The following POT1 variants were observed in gnomAD, a reference collection of about 807,000 sequenced individuals.
The protein encoded by POT1 is protection of telomeres protein 1.
A neutral mutation model predicts 78.5 loss-of-function variants in POT1; 47 were observed. That is an observed-to-expected ratio of 0.60 (90% confidence interval 0.47 to 0.76). The LOEUF is 0.76. POT1 is among the 30% of genes least tolerant of loss of function. The pLI is 0.00. For synonymous variants in POT1, 259 were observed against 260.7 expected, an observed-to-expected ratio of 0.99 and a Z score of 0.06; for missense variants, 646 against 749.9, an observed-to-expected ratio of 0.86 and a Z score of 1.62.
intron 14 of POT1, among the ~76,000 whole-genome samples, chr7:124,839,390 T>C (rs1415888421): frequency 6.6e-6 from 1 of 152,228 alleles, no homozygotes; most frequent in East Asian, 1.9e-4. Flanking sequence ...ATGTAAACTA[T>C]GGTCACAATA....
chr7:124,894,392 G>T (rs12539481), intron 5 of POT1, among the ~76,000 whole-genome samples: 48,349 of 151,240 alleles, frequency 0.32, 7,748 homozygotes, highest in South Asian at 0.4. Flanking sequence ...ATGGAGAGAT[G>T]AATGGGAAAG....
rs186423157 is a variant in POT1 at position 124,832,196 on chromosome 7, C to T, written c.1506-2854G>A. On this transcript the variant is annotated intron_variant, in intron 15 of 18. Transcript: ENST00000357628. ...ATTGCTTGAGCCCAGGATGTCAAGG[C>T]TACAATGAGCTGAAATCATGCCACT... Among the ~76,000 whole-genome samples, 244 of 129,734 alleles carry T rather than the reference C, an allele frequency of 1.9e-3. 2 individuals carry two copies. Among genetic ancestry groups the T allele is most frequent in the South Asian group, 0.015 (62 of 4,068 alleles). The allele number at this position is 129,734 out of a possible 152,430, so 85.1% of individuals were successfully genotyped here.
chr7:124,891,916 A>G lies in POT1; in HGVS notation c.124+350T>C, dbSNP rs377691449. On this transcript the variant is annotated intron_variant, in intron 6 of 18. Coordinates refer to ENST00000357628, the MANE Select transcript of POT1 (RefSeq NM_015450.3). ...TTTATATATTTGCCTTTCAACTTCT[A>G]TAACAGAATTAAACGTGATTTATGC... 2.6e-5 allele frequency among the ~76,000 whole-genome samples: 4 copies of G among 151,766 alleles called. No homozygotes were observed. The East Asian group carries it at 5.8e-4, about 22-fold the overall frequency.
chr7:124,842,714 A>C (rs1795057186), intron 13 of POT1, 93 bp downstream of exon 13: 2 of 1,029,502 alleles, frequency 1.9e-6, no homozygotes, highest in Non-Finnish European at 2.7e-6. Context: ...TATATTAACA[A>C]TTTACTTATT....
intron 6 of POT1, among the ~76,000 whole-genome samples, chr7:124,878,131 G>A (rs1374723005): frequency 6.6e-6 from 1 of 152,024 alleles, no homozygotes; most frequent in Non-Finnish European, 1.5e-5. Context: ...AGGAGTTTGA[G>A]ACTAGCCTGG....
At chr7:124,905,603 A>C (rs1307163889) in intron 3 of POT1, among the ~76,000 whole-genome samples, 2 of 152,268 alleles carry the variant, frequency 1.3e-5, no homozygotes, top group African/African-American at 4.8e-5. Context: ...AAAACACCAA[A>C]AGCAATGGCA....
intron 2 of POT1, among the ~76,000 whole-genome samples, chr7:124,927,995 C>T (rs1467845721): frequency 6.6e-6 from 1 of 152,094 alleles, no homozygotes. Flanking sequence ...AATTGCTTAA[C>T]CTTTCTGAAA....
At chr7:124,925,533 T>G (rs748843272) in intron 2 of POT1, among the ~76,000 whole-genome samples, 8 of 151,810 alleles carry the variant, frequency 5.3e-5, no homozygotes, top group Non-Finnish European at 1.2e-4. Context: ...TGAACATACT[T>G]CCCAAAGCTA....
chr7:124,908,025 A>G (rs931604527), intron 3 of POT1, among the ~76,000 whole-genome samples: 1 of 152,036 alleles, frequency 6.6e-6, no homozygotes, highest in South Asian at 2.1e-4. Flanking sequence ...TTTTTAACAA[A>G]TAATACCTCA....
chr7:124,865,186 T>C (rs1020454112), intron 7 of POT1, among the ~76,000 whole-genome samples: 3 of 152,264 alleles, frequency 2.0e-5, no homozygotes, highest in East Asian at 3.9e-4. Context: ...ACTGGTATCA[T>C]TGTTCTCCAA....
intron 2 of POT1, among the ~76,000 whole-genome samples, chr7:124,927,162 A>C (rs1797295140): frequency 6.6e-6 from 1 of 152,152 alleles, no homozygotes; most frequent in Admixed American, 6.6e-5. Context: ...TCATTTTTTC[A>C]CCTGACATTC....
intron 9 of POT1, among the ~76,000 whole-genome samples, chr7:124,854,325 A>G (rs1795389881): frequency 6.6e-6 from 1 of 151,904 alleles, no homozygotes; most frequent in Admixed American, 6.6e-5. Context: ...ATTTTTGTAC[A>G]CTGAATAATT....
chr7:124,906,054 T>C (rs1796757990), intron 3 of POT1, among the ~76,000 whole-genome samples: 2 of 152,144 alleles, frequency 1.3e-5, no homozygotes, highest in African/African-American at 4.8e-5. Context: ...TGTAAACTAG[T>C]TCAACCATTG....
At chr7:124,866,141 A>G (rs2116550919) in intron 7 of POT1, among the ~76,000 whole-genome samples, 1 of 152,214 alleles carries the variant, frequency 6.6e-6, no homozygotes, top group Admixed American at 6.5e-5. Flanking sequence ...TTAGGGTGAT[A>G]CGTGGAAAGC....
chr7:124,928,591 T>C (rs1425397593), intron 2 of POT1, among the ~76,000 whole-genome samples: 1 of 152,232 alleles, frequency 6.6e-6, no homozygotes, highest in Non-Finnish European at 1.5e-5. Context: ...ACTATATTTA[T>C]TCATCTTTGT....
intron 2 of POT1, among the ~76,000 whole-genome samples, chr7:124,927,737 C>A (rs904160262): frequency 4.6e-5 from 7 of 152,200 alleles, no homozygotes; most frequent in African/African-American, 1.7e-4. Context: ...ATTTATATAC[C>A]TCTAAAGACC....
intron 1 of POT1, 75 bp downstream of exon 1, chr7:124,929,719 A>G (rs1323885145): frequency 1.3e-5 from 2 of 152,238 alleles, no homozygotes; most frequent in Non-Finnish European, 2.9e-5. Flanking sequence ...TTTGATCTAA[A>G]CTAATTCAAT....
In POT1 at chr7:124,878,017, C is replaced by T. The variant is rs560127706; in HGVS notation, c.125-6976G>A. On this transcript the variant is annotated intron_variant, in intron 6 of 18. Transcript: ENST00000357628. ...GTAGAAAGTGATTATCAATGCCTAG[C>T]GGGTGGCAGTGGTGAGAAATGGGGA... Among the ~76,000 whole-genome samples the T allele has an allele frequency of 2.6e-5, 4 of 151,828 alleles. No homozygotes were observed. The East Asian group carries it at 5.8e-4, about 22-fold the overall frequency.
intron 11 of POT1, among the ~76,000 whole-genome samples, chr7:124,851,586 A>G (rs1327220790): frequency 6.6e-6 from 1 of 152,222 alleles, no homozygotes; most frequent in African/African-American, 2.4e-5. Context: ...GACAAGCAAA[A>G]TAGTCTATGA....
Sources: allele counts gnomAD v4.1 joint callset (sites outside exome capture counted in the v4.1 genomes callset), GRCh38; gene constraint gnomAD v4.1.1; transcripts MANE v1.5; gene names NCBI Gene and HGNC (gene_info 2026-07-23, HGNC 2026-07-21).